The following SYNDIG1 variants were observed in gnomAD, a reference collection of about 807,000 sequenced individuals.
The protein encoded by SYNDIG1 is synapse differentiation-inducing gene protein 1.
SYNDIG1 carries 9 observed loss-of-function variants against 19.4 expected under a neutral mutation model. That is an observed-to-expected ratio of 0.46 (90% confidence interval 0.28 to 0.81). The LOEUF is 0.81. Among genes scored for constraint, SYNDIG1 ranks in the 30% least tolerant of loss-of-function variants. The pLI, the probability that SYNDIG1 is intolerant of heterozygous loss-of-function variation, is 0.12. For missense variants in SYNDIG1, 311 were observed against 343.3 expected (o/e 0.91, Z 0.74); for synonymous variants, 141 against 145.9 (o/e 0.97, Z 0.24).
At chr20:24,645,419 G>T (rs1273342335) in intron 3 of SYNDIG1, among the ~76,000 whole-genome samples, 1 of 152,256 alleles carries the variant, frequency 6.6e-6, no homozygotes, top group Non-Finnish European at 1.5e-5. Context: ...AGCCCACGCT[G>T]CCGGATAGGA....
chr20:24,654,820 A>G (rs1399443170), intron 3 of SYNDIG1, among the ~76,000 whole-genome samples: 1 of 152,194 alleles, frequency 6.6e-6, no homozygotes, highest in Non-Finnish European at 1.5e-5. Context: ...GAAGGGGTAT[A>G]AAGATGATGC....
At chr20:24,637,249 G>A (rs965424677) in intron 3 of SYNDIG1, among the ~76,000 whole-genome samples, 1 of 152,202 alleles carries the variant, frequency 6.6e-6, no homozygotes, top group African/African-American at 2.4e-5. Flanking sequence ...AGTGAACAGC[G>A]AGCAAGAAAC....
intron 3 of SYNDIG1, among the ~76,000 whole-genome samples, chr20:24,608,292 C>T (rs1472300071): frequency 6.6e-6 from 1 of 151,872 alleles, no homozygotes; most frequent in Non-Finnish European, 1.5e-5. Context: ...GATTCTCCTG[C>T]CTCAGCCTCC....
At chr20:24,584,779 C>T in intron 2 of SYNDIG1, 77 bp from the exon 3 acceptor site, 1 of 1,602,490 alleles carries the variant, frequency 6.2e-7, no homozygotes, top group Admixed American at 1.7e-5. Context: ...AGGGGTCATC[C>T]CACATCCCTG....
At chr20:24,616,845 C>G (rs889836882) in intron 3 of SYNDIG1, among the ~76,000 whole-genome samples, 1 of 152,236 alleles carries the variant, frequency 6.6e-6, no homozygotes, top group African/African-American at 2.4e-5. Flanking sequence ...CACTGAGCTA[C>G]TGTCGCCAGG....
chr20:24,565,571 G>A (rs950636722), intron 2 of SYNDIG1, among the ~76,000 whole-genome samples: 1 of 152,158 alleles, frequency 6.6e-6, no homozygotes, highest in Admixed American at 6.5e-5. Context: ...TATGGAATTT[G>A]TTTCTTCTAG....
At chr20:24,516,057 T>G (rs933195224) in intron 1 of SYNDIG1, among the ~76,000 whole-genome samples, 14 of 152,194 alleles carry the variant, frequency 9.2e-5, no homozygotes, top group Admixed American at 2.0e-4. Context: ...CATCTGATCT[T>G]TGACAAACCT....
chr20:24,606,306 C>A (rs1369694782), intron 3 of SYNDIG1, among the ~76,000 whole-genome samples: 1 of 152,252 alleles, frequency 6.6e-6, no homozygotes, highest in Non-Finnish European at 1.5e-5. Flanking sequence ...GATGTCCCTG[C>A]CTCCTGAACA....
At chr20:24,654,650 G>GGAAAGA (rs2059505234) in intron 3 of SYNDIG1, among the ~76,000 whole-genome samples, 11 of 117,456 alleles carry the variant, frequency 9.4e-5, no homozygotes, top group African/African-American at 3.7e-4. Flanking sequence ...GGGAGGGAGG[G>GGAAAGA]AGGAAGGAAG....
At chr20:24,573,068 C>T (rs913627447) in intron 2 of SYNDIG1, among the ~76,000 whole-genome samples, 2 of 152,152 alleles carry the variant, frequency 1.3e-5, no homozygotes, top group Non-Finnish European at 2.9e-5. Context: ...GCTGTAAGTT[C>T]CTTCTGGCTC....
At chr20:24,612,852 C>T (rs541452444) in intron 3 of SYNDIG1, among the ~76,000 whole-genome samples, 1 of 152,328 alleles carries the variant, frequency 6.6e-6, no homozygotes, top group African/African-American at 2.4e-5. Context: ...AGAGGGTCTA[C>T]CTTAGCAACA....
intron 1 of SYNDIG1, among the ~76,000 whole-genome samples, chr20:24,497,664 C>G (rs750927053): frequency 2.0e-5 from 3 of 152,178 alleles, no homozygotes; most frequent in Non-Finnish European, 4.4e-5. Context: ...AGCATTTCTT[C>G]ACGAACCTGG....
intron 3 of SYNDIG1, among the ~76,000 whole-genome samples, chr20:24,589,615 C>T (rs1040353372): frequency 6.6e-6 from 1 of 152,230 alleles, no homozygotes; most frequent in African/African-American, 2.4e-5. Flanking sequence ...CCTGGACCTG[C>T]GCCGGGCAGG....
intron 1 of SYNDIG1, among the ~76,000 whole-genome samples, chr20:24,487,052 G>A (rs1003962462): frequency 2.0e-5 from 3 of 152,050 alleles, no homozygotes; most frequent in Non-Finnish European, 2.9e-5. Flanking sequence ...CAAGGTTGGG[G>A]GGAGAGGGTC....
At chr20:24,486,298 G>T (rs2055955153) in intron 1 of SYNDIG1, among the ~76,000 whole-genome samples, 1 of 152,244 alleles carries the variant, frequency 6.6e-6, no homozygotes, top group Non-Finnish European at 1.5e-5. Flanking sequence ...CTGGGCTGGG[G>T]AGCCAGGTGG....
intron 1 of SYNDIG1, among the ~76,000 whole-genome samples, chr20:24,498,778 G>T (rs976190522): frequency 6.6e-6 from 1 of 152,176 alleles, no homozygotes; most frequent in Non-Finnish European, 1.5e-5. Flanking sequence ...CCAGTGTTCC[G>T]TGGCATGTAC....
Position 24,616,122 on chromosome 20 carries a change from GTTATTAT to G in SYNDIG1, c.618+31133_618+31139del, listed in dbSNP as rs1260910704. Among the ~76,000 whole-genome samples the G allele has an allele frequency of 2.6e-5, 4 of 152,214 alleles. No homozygotes were observed. The East Asian group carries it at 5.8e-4, about 22-fold the overall frequency. On this transcript the variant is annotated intron_variant, in intron 3 of 3. Coordinates refer to ENST00000376862, the MANE Select transcript of SYNDIG1 (RefSeq NM_024893.3). ...TTTAAAAATGCAAACCCAAATGTTA[GTTATTAT>G]TTAGTGTCTTAAAGTAGCCCATATA...
At chr20:24,590,786 G>A (rs573178053) in intron 3 of SYNDIG1, among the ~76,000 whole-genome samples, 3 of 152,316 alleles carry the variant, frequency 2.0e-5, no homozygotes, top group African/African-American at 7.2e-5. Flanking sequence ...CCGAGGGTAG[G>A]AGTGTAAGGC....
chr20:24,644,033 A>G (rs2059402676), intron 3 of SYNDIG1, among the ~76,000 whole-genome samples: 1 of 152,268 alleles, frequency 6.6e-6, no homozygotes, highest in Non-Finnish European at 1.5e-5. Flanking sequence ...TATGCCAAAG[A>G]AGAAAAAGAG....
Sources: gnomAD v4.1 joint callset for allele counts (sites outside exome capture counted in the v4.1 genomes callset) on GRCh38, gnomAD v4.1.1 for gene constraint, MANE v1.5 for transcripts, NCBI Gene and HGNC (gene_info 2026-07-23, HGNC 2026-07-21) for gene names.